The following EYA4 variants were observed in gnomAD, a reference collection of about 807,000 sequenced individuals.
EYA4 encodes protein phosphatase EYA4.
EYA4 carries 31 observed loss-of-function variants against 87.9 expected under a neutral mutation model. That is an observed-to-expected ratio of 0.35 (90% CI 0.27 to 0.48). The LOEUF is 0.48. EYA4 is among the 20% of genes least tolerant of loss of function. The pLI, the probability that EYA4 is intolerant of heterozygous loss-of-function variation, is 0.99. For synonymous variants in EYA4, 263 were observed against 270.6 expected, an observed-to-expected ratio of 0.97 and a Z score of 0.28; for missense variants, 678 against 761.4, an observed-to-expected ratio of 0.89 and a Z score of 1.29.
At chr6:133,430,758 G>A (rs1368514613) in intron 3 of EYA4, among the ~76,000 whole-genome samples, 1 of 152,168 alleles carries the variant, frequency 6.6e-6, no homozygotes, top group African/African-American at 2.4e-5. Context: ...CATTCAACAA[G>A]TGTTCATTGA....
chr6:133,408,981 C>G (rs773166746), intron 3 of EYA4, among the ~76,000 whole-genome samples: 4 of 152,124 alleles, frequency 2.6e-5, no homozygotes, highest in Non-Finnish European at 5.9e-5. Flanking sequence ...CTTGATTTTG[C>G]AGACTCCCTG....
chr6:133,485,800 G>A (rs543041674), intron 13 of EYA4, among the ~76,000 whole-genome samples: 2 of 152,282 alleles, frequency 1.3e-5, no homozygotes, highest in East Asian at 1.9e-4. Flanking sequence ...ATCTGCTGGT[G>A]GGGCAGAATA....
chr6:133,251,171 T>C (rs1420502380), intron 1 of EYA4, among the ~76,000 whole-genome samples: 1 of 152,256 alleles, frequency 6.6e-6, no homozygotes, highest in African/African-American at 2.4e-5. Flanking sequence ...TTAATCTGTG[T>C]GGTTCCTTAA....
At chr6:133,378,616 G>GTTAC (rs1011952196) in intron 2 of EYA4, among the ~76,000 whole-genome samples, 8 of 151,976 alleles carry the variant, frequency 5.3e-5, no homozygotes, top group African/African-American at 1.9e-4. Context: ...GCTTCTCAGT[G>GTTAC]TTACTATATG....
Position 133,415,645 on chromosome 6 carries a change from A to G in EYA4, c.84-30985A>G, listed in dbSNP as rs140772041. ...TTCAGGTTTTCTCCTATAATTTACC[A>G]TCTCCTGACATAATGCACAATTTAC... On this transcript the variant is annotated intron_variant, in intron 3 of 19. Transcript: ENST00000355286. 1.1e-3 allele frequency among the ~76,000 whole-genome samples: 173 copies of G among 152,316 alleles called. 1 individual carries two copies. Among genetic ancestry groups the G allele is most frequent in the African/African-American group, 4.0e-3 (167 of 41,568 alleles).
At chr6:133,254,691 C>A (rs1466358641) in intron 1 of EYA4, among the ~76,000 whole-genome samples, 1 of 152,116 alleles carries the variant, frequency 6.6e-6, no homozygotes, top group Non-Finnish European at 1.5e-5. Flanking sequence ...TACATCATGA[C>A]AAAGCATATT....
chr6:133,309,445 A>G (rs1045870724), intron 2 of EYA4, among the ~76,000 whole-genome samples: 3 of 152,212 alleles, frequency 2.0e-5, no homozygotes, highest in Non-Finnish European at 2.9e-5. Flanking sequence ...TATATATGCT[A>G]TAAGCAAATG....
At chr6:133,451,578 A>T (rs1793446274) in intron 5 of EYA4, among the ~76,000 whole-genome samples, 1 of 152,192 alleles carries the variant, frequency 6.6e-6, no homozygotes, top group Admixed American at 6.5e-5. Context: ...TCAAGTTCCT[A>T]TTATATGCCA....
intron 13 of EYA4, among the ~76,000 whole-genome samples, chr6:133,498,705 T>A (rs3777873): frequency 0.03 from 4,514 of 148,236 alleles, 254 homozygotes; most frequent in East Asian, 0.18. Context: ...AGTAAGTTTG[T>A]GTGTGCATGT....
At chr6:133,271,447 C>G (rs187827604) in intron 1 of EYA4, among the ~76,000 whole-genome samples, 3 of 152,206 alleles carry the variant, frequency 2.0e-5, no homozygotes, top group East Asian at 1.9e-4. Flanking sequence ...TCCGTGAGTC[C>G]GTGGATGGTA....
intron 13 of EYA4, among the ~76,000 whole-genome samples, chr6:133,501,647 A>G (rs532411217): frequency 6.6e-6 from 1 of 152,104 alleles, no homozygotes; most frequent in Admixed American, 6.6e-5. Flanking sequence ...TCTTTCTTCC[A>G]TGATGAACTT....
chr6:133,274,964 C>A (rs2128269028), intron 2 of EYA4, 151 bp downstream of exon 2: 2 of 666,940 alleles, frequency 3.0e-6, no homozygotes, highest in East Asian at 5.5e-5. Flanking sequence ...TGAAACAGAC[C>A]TTTGGAGATT....
At chr6:133,301,390 G>T (rs1204500427) in intron 2 of EYA4, among the ~76,000 whole-genome samples, 1 of 152,090 alleles carries the variant, frequency 6.6e-6, no homozygotes, top group Non-Finnish European at 1.5e-5. Context: ...TGAATTTCCA[G>T]GTTTTTCCCT....
At chr6:133,419,462 T>G (rs555522428) in intron 3 of EYA4, among the ~76,000 whole-genome samples, 9 of 152,302 alleles carry the variant, frequency 5.9e-5, no homozygotes, top group African/African-American at 1.7e-4. Context: ...TGATATGTCT[T>G]CCTGAACTCT....
intron 2 of EYA4, among the ~76,000 whole-genome samples, chr6:133,337,002 C>G (rs1380089862): frequency 2.0e-5 from 3 of 152,172 alleles, no homozygotes; most frequent in Non-Finnish European, 4.4e-5. Context: ...TTGGGTAAAT[C>G]TTTCACCAAC....
At chr6:133,467,701 G>A (rs1178479078) in intron 10 of EYA4, among the ~76,000 whole-genome samples, 3 of 151,088 alleles carry the variant, frequency 2.0e-5, no homozygotes, top group African/African-American at 7.3e-5. Flanking sequence ...TTTTCCTTTG[G>A]AACACATTTC....
At chr6:133,296,489 T>C (rs1778956613) in intron 2 of EYA4, among the ~76,000 whole-genome samples, 1 of 152,144 alleles carries the variant, frequency 6.6e-6, no homozygotes, top group South Asian at 2.1e-4. Flanking sequence ...AGTTGGGTTG[T>C]ACTTGTGGAA....
intron 1 of EYA4, among the ~76,000 whole-genome samples, chr6:133,260,317 A>G (rs1266705551): frequency 6.6e-6 from 1 of 152,090 alleles, no homozygotes; most frequent in African/African-American, 2.4e-5. Flanking sequence ...GGCTTACTGC[A>G]ATCTCTGCCT....
At chr6:133,377,316 G>GT (rs751327158) in intron 2 of EYA4, among the ~76,000 whole-genome samples, 2 of 151,862 alleles carry the variant, frequency 1.3e-5, no homozygotes, top group Non-Finnish European at 2.9e-5. Flanking sequence ...CTTTTTCATA[G>GT]TAAGACTTTG....
Sources: allele counts gnomAD v4.1 joint callset (sites outside exome capture counted in the v4.1 genomes callset), GRCh38; gene constraint gnomAD v4.1.1; transcripts MANE v1.5; gene names NCBI Gene and HGNC (gene_info 2026-07-23, HGNC 2026-07-21).